The following TSHZ2 variants were observed in gnomAD, a reference collection of about 807,000 sequenced individuals.
The protein encoded by TSHZ2 is teashirt homolog 2.
In TSHZ2, 21 loss-of-function variants were observed where a neutral mutation model predicts 74.4. The ratio of observed to expected loss-of-function variants is 0.28; its 90% CI spans 0.20 to 0.41. TSHZ2 has a LOEUF of 0.41. TSHZ2 is among the 10% of genes least tolerant of loss of function. TSHZ2 has a pLI of 1.00. For missense variants in TSHZ2, 1,244 were observed against 1,293.5 expected (o/e 0.96, Z 0.59); for synonymous variants, 540 against 515.3 (o/e 1.05, Z -0.65).
chr20:53,084,732 T>C lies in TSHZ2; in HGVS notation c.40+111399T>C, dbSNP rs558691285. On this transcript the variant is annotated intron_variant, in intron 1 of 2. Coordinates refer to ENST00000371497, the MANE Select transcript of TSHZ2 (RefSeq NM_173485.6). Reference sequence around the variant, plus strand: ...CTCTCTCCTTCCCTCCCTCCCTTCCTTCCTTCCTTCTTTGGTTAAGCACCT... The same window carrying C: ...CTCTCTCCTTCCCTCCCTCCCTTCCCTCCTTCCTTCTTTGGTTAAGCACCT... 5.8e-5 allele frequency among the ~76,000 whole-genome samples: 8 copies of C among 138,730 alleles called. No individual in the cohort carries two copies. The East Asian group carries it at 1.7e-3, about 30-fold the overall frequency. 91.0% of individuals were successfully genotyped at this position (138,730 alleles called of 152,430 possible).
intron 1 of TSHZ2, among the ~76,000 whole-genome samples, chr20:53,032,757 TC>T (rs1475544589): frequency 6.6e-6 from 1 of 150,656 alleles, no homozygotes; most frequent in African/African-American, 2.5e-5. Context: ...TTTTTTTTTT[TC>T]CGACTCCTTT....
intron 1 of TSHZ2, among the ~76,000 whole-genome samples, chr20:53,123,162 A>G (rs1440303300): frequency 6.6e-6 from 1 of 152,166 alleles, no homozygotes; most frequent in African/African-American, 2.4e-5. Flanking sequence ...TGTCTCATCT[A>G]TTTTTCAAAG....
intron 1 of TSHZ2, among the ~76,000 whole-genome samples, chr20:53,177,911 A>G (rs1007974077): frequency 1.3e-5 from 2 of 152,124 alleles, no homozygotes; most frequent in Non-Finnish European, 2.9e-5. Flanking sequence ...GGATCACAGT[A>G]TCTCTCGCAC....
At chr20:53,342,955 C>CTTTTCTTTTTTTT (rs1980271498) in intron 2 of TSHZ2, among the ~76,000 whole-genome samples, 1 of 61,218 alleles carries the variant, frequency 1.6e-5, no homozygotes, top group African/African-American at 6.7e-5. Flanking sequence ...CTTTTCTTTT[C>CTTTTCTTTTTTTT]TTTTTTTTTT....
chr20:53,206,071 T>G (rs1989161379), intron 1 of TSHZ2, among the ~76,000 whole-genome samples: 1 of 151,906 alleles, frequency 6.6e-6, no homozygotes. Context: ...ATACAAAAAT[T>G]AGCCAGGTGT....
At chr20:53,157,861 A>G (rs980781043) in intron 1 of TSHZ2, among the ~76,000 whole-genome samples, 4 of 152,194 alleles carry the variant, frequency 2.6e-5, no homozygotes, top group Non-Finnish European at 4.4e-5. Context: ...GGGGGTCGCA[A>G]TAAAGAGTAG....
At chr20:53,307,895 G>A (rs929086584) in intron 2 of TSHZ2, among the ~76,000 whole-genome samples, 2 of 152,104 alleles carry the variant, frequency 1.3e-5, no homozygotes, top group East Asian at 1.9e-4. Flanking sequence ...AGATTGGAAC[G>A]CTACTGGTTT....
At chr20:53,137,116 C>T (rs1474414381) in intron 1 of TSHZ2, among the ~76,000 whole-genome samples, 2 of 152,094 alleles carry the variant, frequency 1.3e-5, no homozygotes, top group African/African-American at 4.8e-5. Context: ...CAGTTACCTA[C>T]TTCAATTTCC....
rs553447561 is a variant in TSHZ2, at chr20:53,103,917, A to G, written c.40+130584A>G. Among the ~76,000 whole-genome samples the G allele has an allele frequency of 2.0e-5, 3 of 152,234 alleles. No individual in the cohort carries two copies. In the South Asian group the frequency reaches 6.2e-4, roughly 32 times the overall value. ...ACCAGTTATAGAAGTGGAGAAATAGATTTCACCCAAGAACATTTTTAATGT... is the reference window on the plus strand; with the variant it reads ...ACCAGTTATAGAAGTGGAGAAATAGGTTTCACCCAAGAACATTTTTAATGT... On this transcript the variant is annotated intron_variant, in intron 1 of 2. Coordinates refer to ENST00000371497, the MANE Select transcript of TSHZ2 (RefSeq NM_173485.6).
At chr20:53,066,111 T>G (rs1266279006) in intron 1 of TSHZ2, among the ~76,000 whole-genome samples, 1 of 152,206 alleles carries the variant, frequency 6.6e-6, no homozygotes, top group Non-Finnish European at 1.5e-5. Context: ...TCCAGTCTTC[T>G]GCTCCTGCGT....
At chr20:53,199,268 C>T (rs1033556455) in intron 1 of TSHZ2, among the ~76,000 whole-genome samples, 2 of 152,134 alleles carry the variant, frequency 1.3e-5, no homozygotes, top group African/African-American at 4.8e-5. Flanking sequence ...GAGGCCGAGG[C>T]GGGTGGATTG....
At chr20:53,485,534 C>A (rs1986268588) in intron 2 of TSHZ2, among the ~76,000 whole-genome samples, 1 of 152,096 alleles carries the variant, frequency 6.6e-6, no homozygotes, top group Non-Finnish European at 1.5e-5. Context: ...CATGGTGAAA[C>A]CCTGTCTCTA....
At chr20:53,040,104 A>T (rs1408419255) in intron 1 of TSHZ2, among the ~76,000 whole-genome samples, 1 of 152,116 alleles carries the variant, frequency 6.6e-6, no homozygotes, top group Non-Finnish European at 1.5e-5. Flanking sequence ...GACTCCGTCT[A>T]AAAAAACAAA....
In TSHZ2 at chr20:53,395,530, T is replaced by C. The variant is rs182059956; in HGVS notation, c.*9-91614T>C. Among the ~76,000 whole-genome samples the C allele has an allele frequency of 2.0e-3, 310 of 152,332 alleles. 2 individuals are homozygous for C. The highest frequency in any genetic ancestry group is 7.2e-3 in the African/African-American group (298 of 41,570). ...AAATAATGCAAAAATTATTAAGACATTTTCCAGAGGACCACACCATTTCCT... is the reference window on the plus strand; with the variant it reads ...AAATAATGCAAAAATTATTAAGACACTTTCCAGAGGACCACACCATTTCCT... On this transcript the variant is annotated intron_variant, in intron 2 of 2. Coordinates refer to ENST00000371497, the MANE Select transcript of TSHZ2 (RefSeq NM_173485.6).
chr20:53,044,735 G>T (rs1014803521), intron 1 of TSHZ2, among the ~76,000 whole-genome samples: 1 of 152,058 alleles, frequency 6.6e-6, no homozygotes, highest in East Asian at 1.9e-4. Flanking sequence ...TTAGACATGG[G>T]GTCTCACTGT....
At chr20:53,165,668 TGG>T (rs1279807980) in intron 1 of TSHZ2, among the ~76,000 whole-genome samples, 5 of 152,238 alleles carry the variant, frequency 3.3e-5, no homozygotes, top group Admixed American at 2.0e-4. Flanking sequence ...CTTGCCCAAT[TGG>T]GCGACTAATG....
intron 1 of TSHZ2, among the ~76,000 whole-genome samples, chr20:53,083,343 G>T (rs987471683): frequency 6.6e-6 from 1 of 152,138 alleles, no homozygotes; most frequent in Non-Finnish European, 1.5e-5. Context: ...ATAAGACATT[G>T]CTTGTAGGCC....
At chr20:53,041,853 G>A (rs1249170342) in intron 1 of TSHZ2, among the ~76,000 whole-genome samples, 1 of 152,334 alleles carries the variant, frequency 6.6e-6, no homozygotes, top group Non-Finnish European at 1.5e-5. Context: ...GATACCCACT[G>A]CCTAAAGCAG....
intron 2 of TSHZ2, among the ~76,000 whole-genome samples, chr20:53,484,289 G>C (rs1339314783): frequency 1.3e-5 from 2 of 152,114 alleles, no homozygotes; most frequent in Non-Finnish European, 2.9e-5. Context: ...CATGAGCTTG[G>C]AAGCTTCAGA....
Sources: allele counts gnomAD v4.1 joint callset (sites outside exome capture counted in the v4.1 genomes callset), GRCh38; gene constraint gnomAD v4.1.1; transcripts MANE v1.5; gene names NCBI Gene and HGNC (gene_info 2026-07-23, HGNC 2026-07-21).